The following SET variants were observed in gnomAD, a reference collection of about 807,000 sequenced individuals.
SET encodes the protein SET nuclear proto-oncogene, also known as protein SET.
Under a neutral mutation model 39.0 loss-of-function variants are expected in SET, and 4 were observed. The ratio of observed to expected loss-of-function variants is 0.10; its 90% CI spans 0.05 to 0.23. The LOEUF (loss-of-function observed/expected upper bound fraction) is 0.23. Ranked by LOEUF, SET falls within the 10% of genes least tolerant of loss-of-function variation. The probability of loss-of-function intolerance (pLI) is 1.00; values close to 1 mark genes in which losing one functional copy is unlikely to be tolerated. For missense variants in SET, 137 were observed against 329.7 expected (o/e 0.42, Z 4.53); for synonymous variants, 114 against 115.9 (o/e 0.98, Z 0.11).
chr9:128,688,735 G>GT (rs1380223661), upstream of SET, among the ~76,000 whole-genome samples: 2 of 152,176 alleles, frequency 1.3e-5, no homozygotes, highest in Admixed American at 6.5e-5. Context: ...ACGAGCCCGA[G>GT]TTTGAGTCCG....
At chr9:128,691,371 GT>G in intron 2 of SET, 144 bp downstream of exon 2, 1 of 634,136 alleles carries the variant, frequency 1.6e-6, no homozygotes. Flanking sequence ...TAGATTCAGT[GT>G]TTTTTGGTGA....
At chr9:128,685,783 G>A (rs1044092989), upstream of SET, among the ~76,000 whole-genome samples, 1 of 152,186 alleles carries the variant, frequency 6.6e-6, no homozygotes, top group African/African-American at 2.4e-5. Context: ...TGTAATCCCA[G>A]CACTTTGGGA....
At chr9:128,688,194 G>C (rs1861354136), upstream of SET, among the ~76,000 whole-genome samples, 1 of 152,210 alleles carries the variant, frequency 6.6e-6, no homozygotes, top group South Asian at 2.1e-4. Flanking sequence ...CTGGGGGACA[G>C]AGCAAGACTC....
intron 5 of SET, 129 bp downstream of exon 5, chr9:128,693,110 G>T (rs1861605843): frequency 4.6e-6 from 3 of 651,316 alleles, no homozygotes; most frequent in Non-Finnish European, 8.1e-6. Flanking sequence ...AAACGTTCCA[G>T]TGTGCTGAAG....
chr9:128,692,005 G>A lies in SET; in HGVS notation c.274+5G>A. On this transcript the variant is annotated splice_donor_5th_base_variant and intron_variant, in intron 3 of 7. Coordinates refer to ENST00000322030, the MANE Select transcript of SET (RefSeq NM_003011.4). Reference sequence around the variant, plus strand: ...CATTTGTCAACCATCCACAAGGTATGTTTTGGACAGGGCATTGTTAAAGGA... The same window carrying A: ...CATTTGTCAACCATCCACAAGGTATATTTTGGACAGGGCATTGTTAAAGGA... 1 of 1,613,436 alleles carries A rather than the reference G, an allele frequency of 6.2e-7. No homozygotes were observed. Among genetic ancestry groups the A allele is most frequent in the Non-Finnish European group, 8.5e-7 (1 of 1,179,724 alleles).
At chr9:128,684,433 G>A (rs1164648233), upstream of SET, among the ~76,000 whole-genome samples, 2 of 152,010 alleles carry the variant, frequency 1.3e-5, no homozygotes, top group Non-Finnish European at 2.9e-5. Context: ...CACAACTCTG[G>A]CCTGAATCTC....
At chr9:128,684,648 C>T (rs1861228890), upstream of SET, among the ~76,000 whole-genome samples, 1 of 151,948 alleles carries the variant, frequency 6.6e-6, no homozygotes, top group African/African-American at 2.4e-5. Flanking sequence ...TGGAGGCCTC[C>T]CTCAAGGTGG....
At chr9:128,684,926 G>C (rs553863962), upstream of SET, among the ~76,000 whole-genome samples, 1 of 152,154 alleles carries the variant, frequency 6.6e-6, no homozygotes, top group South Asian at 2.1e-4. Flanking sequence ...TTTGGGAGAC[G>C]TAGCTGGAGC....
At position 128,689,561 on chromosome 9, in the gene SET, C is replaced by A. The variant is rs768353065; in HGVS notation, c.-22C>A. On this transcript the variant is annotated 5_prime_UTR_variant, in exon 1 of 8. Coordinates refer to ENST00000322030, the MANE Select transcript of SET (RefSeq NM_003011.4). ...CCCTTCTCTCCCCCTCCCCGCTCCC[C>A]CCCCGACCGCGGAGCAGCACCATGT... 7.5e-7 allele frequency: 1 copy of A among 1,335,964 alleles called. No homozygotes were observed. The highest frequency in any genetic ancestry group is 9.8e-7 in the Non-Finnish European group (1 of 1,017,410). The allele number at this position is 1,335,964 out of a possible 1,614,324, so 82.8% of individuals were successfully genotyped here.
At chr9:128,690,105 C>A in intron 1 of SET, 3 of 354,982 alleles carry the variant, frequency 8.5e-6, no homozygotes, top group Non-Finnish European at 1.2e-5. Flanking sequence ...GCCCCCGGCA[C>A]CCCCGCCCAG....
upstream of SET, among the ~76,000 whole-genome samples, chr9:128,688,126 G>C (rs1270762828): frequency 6.6e-6 from 1 of 151,976 alleles, no homozygotes; most frequent in Non-Finnish European, 1.5e-5. Flanking sequence ...CAGGAGAATT[G>C]CTTGAACCCG....
Position 128,694,794 on chromosome 9 carries a change from CTT to C in SET, c.*133_*134del, listed in dbSNP as rs1564362883. The C allele has an allele frequency of 8.3e-6, 4 of 482,538 alleles. No homozygotes were observed. Among genetic ancestry groups the C allele is most frequent in the Admixed American group, 5.2e-5 (1 of 19,400 alleles). The allele number at this position is 482,538 out of a possible 1,614,324, so 29.9% of individuals were successfully genotyped here. On this transcript the variant is annotated 3_prime_UTR_variant, in exon 8 of 8. Coordinates refer to ENST00000322030, the MANE Select transcript of SET (RefSeq NM_003011.4). ...CTCAGTCGCCCTGTTCTTGAGGTCTCTTTTCTCTACTCCATGGTTCTCAATTT... is the reference window on the plus strand; with the variant it reads ...CTCAGTCGCCCTGTTCTTGAGGTCTCTTCTCTACTCCATGGTTCTCAATTT...
At chr9:128,693,015 A>G in intron 5 of SET, 34 bp downstream of exon 5, 1 of 1,395,104 alleles carries the variant, frequency 7.2e-7, no homozygotes, top group Non-Finnish European at 1.0e-6. Flanking sequence ...CAAAAATAGC[A>G]TTTTGCCTAT....
Position 128,689,360 on chromosome 9 carries a change from G to A in SET, c.-223G>A. ...CCTCCCCTCCGCGAACAGGAGCCCG[G>A]GCCGGGGCCCGGCACGCCGCCCCAG... On this transcript the variant is annotated 5_prime_UTR_variant, in exon 1 of 8. Transcript: ENST00000322030. 9.6e-7 allele frequency: 1 copy of A among 1,042,520 alleles called. No homozygotes were observed. The highest frequency in any genetic ancestry group is 1.2e-6 in the Non-Finnish European group (1 of 859,828). 64.6% of individuals were successfully genotyped at this position (1,042,520 alleles called of 1,614,324 possible). A position where few individuals can be genotyped will look rare whatever the true frequency, so the allele number is the denominator to read the frequency against.
intron 6 of SET, 38 bp downstream of exon 6, chr9:128,693,846 T>C: frequency 6.2e-7 from 1 of 1,606,224 alleles, no homozygotes; most frequent in African/African-American, 1.3e-5. Context: ...GTTGGACTTG[T>C]CTCGGTTGTT....
At chr9:128,694,262 TAG>T (rs1226666527) in intron 7 of SET, among the ~76,000 whole-genome samples, 1 of 152,088 alleles carries the variant, frequency 6.6e-6, no homozygotes, top group Non-Finnish European at 1.5e-5. Flanking sequence ...TTTTTTTGGT[TAG>T]ACTTATCACC....
rs1218949555 is a variant in SET at position 128,692,101 on chromosome 9, AAGAC to A, written c.274+104_274+107del. 4.4e-5 allele frequency: 63 copies of A among 1,419,390 alleles called. 1 individual carries two copies. In the Middle Eastern group the frequency reaches 9.0e-4, roughly 20 times the overall value. The allele number at this position is 1,419,390 out of a possible 1,614,324, so 87.9% of individuals were successfully genotyped here. On this transcript the variant is annotated intron_variant, in intron 3 of 7. Coordinates refer to ENST00000322030, the MANE Select transcript of SET (RefSeq NM_003011.4). ...CCAGCATGCTGGGTTGCGTGCAACA[AAGAC>A]AGGCTGGGTGCGGTGGCGCACCTGT...
intron 1 of SET, 45 bp from the exon 2 acceptor site, chr9:128,691,124 TA>T: frequency 6.9e-7 from 1 of 1,445,102 alleles, no homozygotes; most frequent in Non-Finnish European, 9.7e-7. Context: ...TCTGGAAAAC[TA>T]GGTAAATTTA....
intron 3 of SET, chr9:128,692,452 C>A: frequency 1.1e-5 from 3 of 279,086 alleles, no homozygotes; most frequent in Non-Finnish European, 2.0e-5. Flanking sequence ...TATACAGCTA[C>A]TGCTTTCTAT....
Sources: allele counts gnomAD v4.1 joint callset (sites outside exome capture counted in the v4.1 genomes callset), GRCh38; gene constraint gnomAD v4.1.1; transcripts MANE v1.5; gene names NCBI Gene and HGNC (gene_info 2026-07-23, HGNC 2026-07-21).